Variants in FAAH2 observed in about 807,000 individuals in gnomAD.
The protein encoded by FAAH2 is fatty acid amide hydrolase 2.
A neutral mutation model predicts 36.9 loss-of-function variants in FAAH2; 60 were observed. The observed-to-expected ratio is 1.63, with a 90% CI of 1.32 to 2.02. The LOEUF is 2.02. FAAH2 is among the 30% of genes most tolerant of loss of function. FAAH2 has a pLI of 0.00. For missense variants in FAAH2, 689 were observed against 397.5 expected (o/e 1.73, Z -6.23); for synonymous variants, 214 against 143.8 (o/e 1.49, Z -3.49).
chrX:57,314,864 C>T (rs1363173735), intron 3 of FAAH2, among the ~76,000 whole-genome samples: 4 of 111,108 alleles, frequency 3.6e-5, no homozygotes, highest in Non-Finnish European at 7.6e-5. Flanking sequence ...TATAACATAA[C>T]GCCAATGTGA....
chrX:57,458,685 G>A (rs1415460667), intron 10 of FAAH2, among the ~76,000 whole-genome samples: 2 of 111,594 alleles, frequency 1.8e-5, no homozygotes, highest in African/African-American at 3.3e-5. Flanking sequence ...CATGGAGGGC[G>A]AGCAGAAGCA....
At chrX:57,274,660 G>T in the FAAH2 span, among the ~76,000 whole-genome samples, 3 of 111,607 alleles carry the variant, frequency 2.7e-5, no homozygotes, top group Admixed American at 2.9e-4. Flanking sequence ...AAAACCACAT[G>T]ATTATCTCAA....
At chrX:57,455,813 T>A (rs1018173320) in intron 10 of FAAH2, among the ~76,000 whole-genome samples, 3 of 112,036 alleles carry the variant, frequency 2.7e-5, no homozygotes, top group Non-Finnish European at 5.6e-5. Flanking sequence ...AGGAAGTTCT[T>A]CCTAACCAAT....
chrX:57,125,750 A>G, the FAAH2 span, among the ~76,000 whole-genome samples: 1 of 112,251 alleles, frequency 8.9e-6, no homozygotes, highest in East Asian at 2.8e-4. Flanking sequence ...TTAGTCTCCT[A>G]TTACTGAAAT....
the FAAH2 span, among the ~76,000 whole-genome samples, chrX:57,244,797 G>C: frequency 1.8e-5 from 2 of 111,506 alleles, no homozygotes; most frequent in African/African-American, 6.5e-5. Context: ...AAAGACCATG[G>C]ACACTATGAA....
chrX:57,366,359 T>C (rs753659044), intron 5 of FAAH2, among the ~76,000 whole-genome samples: 15 of 112,294 alleles, frequency 1.3e-4, no homozygotes, highest in Non-Finnish European at 2.3e-4. Flanking sequence ...CCTGGTGAAC[T>C]GGGACCTGGC....
chrX:57,258,922 G>A, the FAAH2 span, among the ~76,000 whole-genome samples: 1 of 106,940 alleles, frequency 9.4e-6, no homozygotes, highest in Non-Finnish European at 1.9e-5. Flanking sequence ...AGCTTTCACC[G>A]TGTTAGCCAG....
chrX:57,281,805 T>C (rs2051757426), upstream of FAAH2, among the ~76,000 whole-genome samples: 2 of 111,703 alleles, frequency 1.8e-5, no homozygotes, highest in African/African-American at 6.5e-5. Context: ...CACTCATAAG[T>C]GAGAACATGC....
chrX:57,316,667 C>T (rs1046741658), intron 3 of FAAH2, among the ~76,000 whole-genome samples: 1 of 109,582 alleles, frequency 9.1e-6, no homozygotes, highest in African/African-American at 3.3e-5. Flanking sequence ...AACTCACTAG[C>T]CATGTACAGA....
At chrX:57,174,101 T>C in the FAAH2 span, among the ~76,000 whole-genome samples, 4 of 111,544 alleles carry the variant, frequency 3.6e-5, no homozygotes, top group Non-Finnish European at 7.6e-5. Context: ...GGGAGGATAT[T>C]TAAGATTCTT....
At chrX:57,421,923 G>A (rs1367202372) in intron 7 of FAAH2, among the ~76,000 whole-genome samples, 1 of 111,600 alleles carries the variant, frequency 9.0e-6, no homozygotes, top group Non-Finnish European at 1.9e-5. Context: ...CTGATTTAAT[G>A]GACCAGTGCA....
At chrX:57,189,267 A>G in the FAAH2 span, among the ~76,000 whole-genome samples, 3 of 109,952 alleles carry the variant, frequency 2.7e-5, no homozygotes, top group African/African-American at 9.9e-5. Context: ...TAAACTTGTT[A>G]TTATAGTTAG....
At chrX:57,397,373 G>T (rs1167171558) in intron 7 of FAAH2, among the ~76,000 whole-genome samples, 1 of 112,029 alleles carries the variant, frequency 8.9e-6, no homozygotes, top group Non-Finnish European at 1.9e-5. Context: ...TTTTGCTCAT[G>T]TGCACATGTG....
At chrX:57,243,220 G>A in the FAAH2 span, among the ~76,000 whole-genome samples, 1 of 112,014 alleles carries the variant, frequency 8.9e-6, no homozygotes, top group Non-Finnish European at 1.9e-5. Flanking sequence ...TTCTGGGCAG[G>A]GCATCTTTGA....
chrX:57,419,655 C>A (rs914376209), intron 7 of FAAH2, among the ~76,000 whole-genome samples: 1 of 111,302 alleles, frequency 9.0e-6, no homozygotes, highest in Non-Finnish European at 1.9e-5. Context: ...AAATTTTCTC[C>A]CAATTTGTAG....
chrX:57,229,946 C>T, the FAAH2 span, among the ~76,000 whole-genome samples: 3 of 111,781 alleles, frequency 2.7e-5, no homozygotes, highest in Non-Finnish European at 5.7e-5. Context: ...TTCTCCTCTA[C>T]TTTTATTTAG....
In FAAH2 at chrX:57,286,768, C is replaced by G. The variant is rs1474653727; in HGVS notation, c.-58C>G. On this transcript the variant is annotated 5_prime_UTR_variant, in exon 1 of 11. Coordinates refer to ENST00000374900, the MANE Select transcript of FAAH2 (RefSeq NM_174912.4). ...CTCTTTGCTTAGTACTTTTCTCGTC[C>G]TTTCCCCAGGGTGCACGTAACCCTC... 9.8e-7 allele frequency: 1 copy of G among 1,023,508 alleles called. No individual in the cohort carries two copies. The highest frequency in any genetic ancestry group is 2.0e-5 in the African/African-American group (1 of 50,944). 84.3% of individuals were successfully genotyped at this position (1,023,508 alleles called of 1,213,427 possible).
At chrX:57,424,422 C>A (rs746946091) in intron 7 of FAAH2, among the ~76,000 whole-genome samples, 8 of 111,957 alleles carry the variant, frequency 7.1e-5, no homozygotes, top group Admixed American at 3.8e-4. Flanking sequence ...ACACCTACAG[C>A]CCTGAAGTTT....
Position 57,331,744 on chromosome X carries a change from A to G in FAAH2, c.559A>G (p.Asn187Asp), listed in dbSNP as rs1374493135. The stretch of plus-strand genomic sequence containing the variant: ...GTTGTGTATGTGGTATGAATCCAGT[A>G]ACAAGATCTATGGCCGATCAAACAA... ...SELCMWYESSNKIYGRSNNPY... is the reference protein window; with the variant it reads ...SELCMWYESSDKIYGRSNNPY... The change falls in exon 4 of 11, where the codon AAC becomes GAC. Residue 187 changes from asparagine (N) to aspartate (D), a missense_variant. Coordinates refer to ENST00000374900, the MANE Select transcript of FAAH2 (RefSeq NM_174912.4). 9 of 1,211,573 alleles carry G rather than the reference A, an allele frequency of 7.4e-6. No homozygotes were observed. The highest frequency in any genetic ancestry group is 8.9e-6 in the Non-Finnish European group (8 of 895,493).
Sources: allele counts gnomAD v4.1 joint callset (sites outside exome capture counted in the v4.1 genomes callset), GRCh38; gene constraint gnomAD v4.1.1; transcripts MANE v1.5; gene names NCBI Gene and HGNC (gene_info 2026-07-23, HGNC 2026-07-21).